The following SMG1 variants were observed in gnomAD, a reference collection of about 807,000 sequenced individuals.
SMG1 encodes the protein serine/threonine-protein kinase SMG1.
Under a neutral mutation model 419.9 loss-of-function variants are expected in SMG1, and 22 were observed. The observed-to-expected ratio is 0.05, with a 90% CI of 0.04 to 0.07. The LOEUF (loss-of-function observed/expected upper bound fraction) is 0.07, where lower values mean the gene tolerates loss of function less well. Among genes scored for constraint, SMG1 ranks in the 10% least tolerant of loss-of-function variants. The pLI is 1.00. For missense variants in SMG1, 3,185 were observed against 4,342.0 expected (o/e 0.73, Z 7.49); for synonymous variants, 1,538 against 1,553.5 (o/e 0.99, Z 0.23).
intron 1 of SMG1, among the ~76,000 whole-genome samples, chr16:18,919,591 T>C (rs1444801162): frequency 6.7e-6 from 1 of 149,334 alleles, no homozygotes; most frequent in Non-Finnish European, 1.5e-5. Context: ...GCCACTGCAC[T>C]CTAGCCTGGG....
Position 18,884,112 on chromosome 16 carries a change from A to G in SMG1, c.1077T>C (p.Thr359=). Residue 359 remains threonine, a synonymous_variant, in exon 9 of 63, where the codon ACT becomes ACC. Coordinates refer to ENST00000446231, the MANE Select transcript of SMG1 (RefSeq NM_015092.5). ...TGTCTTCCAGAAACTGACCAAGAAG[A>G]GTAGTAGAAAATGCAAGATCAGCTA... ...FWVADLAFST[T]LLGQFLEDME... 1.2e-5 allele frequency: 20 copies of G among 1,607,128 alleles called. No homozygotes were observed. Among genetic ancestry groups the G allele is most frequent in the Non-Finnish European group, 1.7e-5 (20 of 1,175,438 alleles).
chr16:18,905,137 T>G (rs1487239234), intron 1 of SMG1, among the ~76,000 whole-genome samples: 1 of 151,950 alleles, frequency 6.6e-6, no homozygotes, highest in Non-Finnish European at 1.5e-5. Context: ...GGTGGGCGCC[T>G]GTAATCCCAG....
intron 7 of SMG1, 156 bp downstream of exon 7, chr16:18,885,385 C>G: frequency 1.0e-6 from 1 of 952,934 alleles, no homozygotes; most frequent in Non-Finnish European, 1.6e-6. Flanking sequence ...GTATGAATGT[C>G]AGAAAGAAAA....
Position 18,862,444 on chromosome 16 carries a change from G to C in SMG1, c.3695+1206C>G, listed in dbSNP as rs186458974. On this transcript the variant is annotated intron_variant, in intron 25 of 62. Coordinates refer to ENST00000446231, the MANE Select transcript of SMG1 (RefSeq NM_015092.5). ...AAGAGGGCCTTTTCTGTGTACTAAT[G>C]ATCTGCAAATCTCTCAAGCTTAGAC... is the stretch of plus-strand genomic sequence containing the variant. 1.7e-4 allele frequency among the ~76,000 whole-genome samples: 26 copies of C among 152,284 alleles called. No individual in the cohort carries two copies. The East Asian group carries it at 1.9e-3, about 11-fold the overall frequency.
intron 4 of SMG1, among the ~76,000 whole-genome samples, chr16:18,891,143 A>T (rs1352002461): frequency 6.6e-6 from 1 of 152,184 alleles, no homozygotes; most frequent in African/African-American, 2.4e-5. Flanking sequence ...GATCATCAAC[A>T]AAAAAATAAA....
At chr16:18,915,953 C>CA (rs1266969087) in intron 1 of SMG1, among the ~76,000 whole-genome samples, 1 of 151,432 alleles carries the variant, frequency 6.6e-6, no homozygotes, top group Non-Finnish European at 1.5e-5. Context: ...TCTGTAATCC[C>CA]AGCTACTCAG....
rs368594356 is a variant in SMG1 at position 18,876,274 on chromosome 16, T to C, written c.1740A>G (p.Leu580=). 3 of 1,611,736 alleles carry C rather than the reference T, an allele frequency of 1.9e-6. No individual in the cohort carries two copies. The highest frequency in any genetic ancestry group is 1.1e-5 in the South Asian group (1 of 90,984). Residue 580 remains leucine (L), a synonymous_variant, in exon 13 of 63, where the codon CTA becomes CTG. Coordinates refer to ENST00000446231, the MANE Select transcript of SMG1 (RefSeq NM_015092.5). ...GEMTCALNNL[L]HSLQLPEACS... is the part of the protein sequence containing the mutation. Reference sequence around the variant, plus strand: ...AGGCCTCAGGAAGTTGTAGACTGTGTAGGAGGTTGTTTAGGGCACAAGTCA... The same window carrying C: ...AGGCCTCAGGAAGTTGTAGACTGTGCAGGAGGTTGTTTAGGGCACAAGTCA...
chr16:18,834,290 G>A lies in SMG1; in HGVS notation c.8479C>T (p.Leu2827=). ...GGGATATCTAAGTCCTGTGGCACCA[G>A]GTGGCACTGCTTCAGTAACTGAACC... The part of the protein sequence containing the change: ...CLVQLLKQCH[L]VPQDLDIPNP... Residue 2827 remains leucine (L), a synonymous_variant, in exon 50 of 63, where the codon CTG becomes TTG. Transcript: ENST00000446231. The A allele has an allele frequency of 3.7e-6, 6 of 1,611,952 alleles. No homozygotes were observed. Among genetic ancestry groups the A allele is most frequent in the Non-Finnish European group, 5.1e-6 (6 of 1,179,082 alleles).
At chr16:18,821,010 TGCCTTAG>T (rs2032480219) in intron 55 of SMG1, among the ~76,000 whole-genome samples, 2 of 152,192 alleles carry the variant, frequency 1.3e-5, no homozygotes, top group Non-Finnish European at 2.9e-5. Flanking sequence ...AATATTCTGC[TGCCTTAG>T]GCATCACAAA....
rs2034728778 is a variant in SMG1 at position 18,853,667 on chromosome 16, A to G, written c.4684T>C (p.Ser1562Pro). 1 of 1,613,190 alleles carries G rather than the reference A, an allele frequency of 6.2e-7. No homozygotes were observed. The highest frequency in any genetic ancestry group is 8.5e-7 in the Non-Finnish European group (1 of 1,179,516). Reference protein sequence around the residue: ...QQNFTGLSTLSKNILTLIELP... With the variant: ...QQNFTGLSTLPKNILTLIELP... ...TCTATTAGAGTGAGTATGTTTTTAGACAAAGTAGAAAGACCTGTGAAGTTC... is the reference window on the plus strand; with the variant it reads ...TCTATTAGAGTGAGTATGTTTTTAGGCAAAGTAGAAAGACCTGTGAAGTTC... Residue 1562 changes from serine (S) to proline (P), a missense_variant, in exon 31 of 63, where the codon TCT (serine) becomes CCT (proline). Coordinates refer to ENST00000446231, the MANE Select transcript of SMG1 (RefSeq NM_015092.5).
intron 50 of SMG1, 136 bp from the exon 51 acceptor site, chr16:18,833,302 G>A (rs1455498065): frequency 3.5e-6 from 2 of 571,836 alleles, no homozygotes; most frequent in Non-Finnish European, 6.0e-6. Flanking sequence ...TACATCTTTT[G>A]TTTACTTTTT....
At chr16:18,923,217 C>T (rs1397148959) in intron 1 of SMG1, among the ~76,000 whole-genome samples, 1 of 152,172 alleles carries the variant, frequency 6.6e-6, no homozygotes, top group African/African-American at 2.4e-5. Context: ...AAGACATTCA[C>T]GTATACAGCC....
chr16:18,865,662 ATTTTT>A (rs578185182), intron 23 of SMG1, among the ~76,000 whole-genome samples: 28 of 143,146 alleles, frequency 2.0e-4, no homozygotes, highest in Non-Finnish European at 3.1e-4. Context: ...TAACATGGCA[ATTTTT>A]TTTTTTTTTT....
chr16:18,810,482 G>A (rs1459679683), intron 62 of SMG1, among the ~76,000 whole-genome samples: 3 of 152,196 alleles, frequency 2.0e-5, no homozygotes, highest in Admixed American at 6.5e-5. Flanking sequence ...GACAGTCCCT[G>A]ACTCACAGTG....
At chr16:18,850,598 C>A (rs1163337292) in intron 33 of SMG1, 131 bp from the exon 34 acceptor site, 6 of 628,244 alleles carry the variant, frequency 9.6e-6, no homozygotes, top group Non-Finnish European at 1.7e-5. Flanking sequence ...TAGTGTTATA[C>A]ACAGTAAGTC....
chr16:18,816,146 G>C lies in SMG1; in HGVS notation c.10302+156C>G, dbSNP rs2031982508. ...CTACTACTGGCTTTAAAAAATAGTTGATGAAAACACAAGTTAACTCAGTTA... is the reference window on the plus strand; with the variant it reads ...CTACTACTGGCTTTAAAAAATAGTTCATGAAAACACAAGTTAACTCAGTTA... On this transcript the variant is annotated intron_variant, in intron 58 of 62. Coordinates refer to ENST00000446231, the MANE Select transcript of SMG1 (RefSeq NM_015092.5). 18 of 646,234 alleles carry C rather than the reference G, an allele frequency of 2.8e-5. No individual in the cohort carries two copies. The South Asian group carries it at 3.7e-4, about 13-fold the overall frequency. 40.0% of individuals were successfully genotyped at this position (646,234 alleles called of 1,614,324 possible). A position where few individuals can be genotyped will look rare whatever the true frequency, so the allele number is the denominator to read the frequency against.
At chr16:18,909,894 T>C (rs1274654567) in intron 1 of SMG1, among the ~76,000 whole-genome samples, 1 of 152,120 alleles carries the variant, frequency 6.6e-6, no homozygotes, top group South Asian at 2.1e-4. Context: ...AAACCCACAG[T>C]CTACACAAAC....
intron 3 of SMG1, among the ~76,000 whole-genome samples, chr16:18,895,736 T>C (rs1286498430): frequency 6.6e-6 from 1 of 151,878 alleles, no homozygotes; most frequent in Non-Finnish European, 1.5e-5. Context: ...TATATATCTA[T>C]ATCCTCCACA....
Position 18,845,638 on chromosome 16 carries a change from C to T in SMG1, c.6010G>A (p.Ala2004Thr). The T allele has an allele frequency of 2.5e-6, 4 of 1,609,746 alleles. No homozygotes were observed. The highest frequency in any genetic ancestry group is 3.4e-6 in the Non-Finnish European group (4 of 1,178,196). The change falls in exon 39 of 63, where the codon GCA (alanine) becomes ACA (threonine). Residue 2004 changes from alanine to threonine, a missense_variant. By Grantham distance (58) the Ala-to-Thr change is moderately conservative. Coordinates refer to ENST00000446231, the MANE Select transcript of SMG1 (RefSeq NM_015092.5). ...NNTLRKEEKI[A>T]IMREKHTALM... ...GCTGTGTGCTTCTCCCTCATGATTGCAATTTTCTCTTCTCTGACCAAGAAG... is the reference window on the plus strand; with the variant it reads ...GCTGTGTGCTTCTCCCTCATGATTGTAATTTTCTCTTCTCTGACCAAGAAG...
Sources: gnomAD v4.1 joint callset for allele counts (sites outside exome capture counted in the v4.1 genomes callset) on GRCh38, gnomAD v4.1.1 for gene constraint, MANE v1.5 for transcripts, NCBI Gene and HGNC (gene_info 2026-07-23, HGNC 2026-07-21) for gene names.